The following ALPK2 variants were observed in gnomAD, a reference collection of about 807,000 sequenced individuals.
ALPK2 encodes the protein alpha kinase 2, also known as alpha-protein kinase 2.
In ALPK2, 127 loss-of-function variants were observed where a neutral mutation model predicts 163.1. The ratio of observed to expected loss-of-function variants is 0.78; its 90% CI spans 0.67 to 0.90. The LOEUF (loss-of-function observed/expected upper bound fraction) is 0.90. ALPK2 is among the 40% of genes least tolerant of loss of function. The pLI is 0.00. For synonymous variants in ALPK2, 953 were observed against 959.1 expected, an observed-to-expected ratio of 0.99 and a Z score of 0.12; for missense variants, 2,360 against 2,589.6, an observed-to-expected ratio of 0.91 and a Z score of 1.92.
At chr18:58,609,919 C>G (rs542043765) in intron 2 of ALPK2, among the ~76,000 whole-genome samples, 6 of 152,144 alleles carry the variant, frequency 3.9e-5, no homozygotes, top group African/African-American at 1.2e-4. Flanking sequence ...TGGACCATCA[C>G]GGAGACAGAA....
chr18:58,616,551 T>A (rs569588569), intron 1 of ALPK2, among the ~76,000 whole-genome samples: 3 of 152,046 alleles, frequency 2.0e-5, no homozygotes, highest in Non-Finnish European at 4.4e-5. Flanking sequence ...GAAGCCTCCA[T>A]AAAAACCCAA....
chr18:58,603,651 G>A (rs1446221596), intron 3 of ALPK2, among the ~76,000 whole-genome samples: 2 of 152,132 alleles, frequency 1.3e-5, no homozygotes, highest in Non-Finnish European at 2.9e-5. Flanking sequence ...CGGGTTCCTG[G>A]ACAGATTTTT....
chr18:58,625,802 G>A (rs1265847923), intron 1 of ALPK2, among the ~76,000 whole-genome samples: 1 of 152,220 alleles, frequency 6.6e-6, no homozygotes, highest in Non-Finnish European at 1.5e-5. Context: ...AACCAGAACT[G>A]AACTCTCGGA....
rs1417833075 is a variant in ALPK2, at chr18:58,536,365, A to G, written c.3822T>C (p.Ala1274=). 6.2e-7 allele frequency: 1 copy of G among 1,614,118 alleles called. No individual in the cohort carries two copies. The highest frequency in any genetic ancestry group is 8.5e-7 in the Non-Finnish European group (1 of 1,180,038). The change falls in exon 5 of 13, where the codon GCT becomes GCC. Residue 1274 remains alanine (A), a synonymous_variant. Transcript: ENST00000361673. Reference sequence around the variant, plus strand: ...CATCTGCCTTTAGACTATCAGGTACAGCCCAGACCTTGTCAGGAATTATGA... The same window carrying G: ...CATCTGCCTTTAGACTATCAGGTACGGCCCAGACCTTGTCAGGAATTATGA... ...GGLIIPDKVW[A]VPDSLKADAV... is the part of the protein sequence containing the mutation.
At chr18:58,586,753 T>TA (rs56281908) in intron 3 of ALPK2, among the ~76,000 whole-genome samples, 2,429 of 143,290 alleles carry the variant, frequency 0.017, 33 homozygotes, top group African/African-American at 0.045. Flanking sequence ...GGGGCATTTG[T>TA]AAAAAAAAAA....
At position 58,523,940 on chromosome 18, in the gene ALPK2, G is replaced by A. The variant is rs1424721571; in HGVS notation, c.5624C>T (p.Ala1875Val). Residue 1875 changes from alanine to valine, a missense_variant, in exon 7 of 13, where the codon GCT becomes GTT. Ala to Val is a moderately conservative substitution (Grantham distance 64). Transcript: ENST00000361673. ...CATTGAAAACTGTGGTTTACCTTCA[G>A]CTGTGAGGTTAAATTCAGCAGTCAC... ...GKVTAEFNLT[A>V]EVLKQLSSRQ... The A allele has an allele frequency of 6.2e-7, 1 of 1,614,176 alleles. No homozygotes were observed. The highest frequency in any genetic ancestry group is 1.7e-5 in the Admixed American group (1 of 60,022).
chr18:58,604,487 C>T (rs1283877578), intron 3 of ALPK2, among the ~76,000 whole-genome samples: 2 of 152,102 alleles, frequency 1.3e-5, no homozygotes, highest in South Asian at 2.1e-4. Context: ...ATTGGTCAAG[C>T]GCGAAGCCCA....
chr18:58,609,497 A>G (rs113091201), intron 2 of ALPK2, among the ~76,000 whole-genome samples: 5 of 152,276 alleles, frequency 3.3e-5, no homozygotes, highest in Middle Eastern at 3.4e-3. Context: ...TACATAAAAT[A>G]TTCATGAGCT....
intron 12 of ALPK2, among the ~76,000 whole-genome samples, chr18:58,487,779 T>C (rs2051347424): frequency 6.6e-6 from 1 of 152,142 alleles, no homozygotes; most frequent in Non-Finnish European, 1.5e-5. Context: ...CCCAGCACTT[T>C]GGGAGGCTGA....
At chr18:58,538,529 G>T (rs981563755) in intron 4 of ALPK2, 1 of 329,082 alleles carries the variant, frequency 3.0e-6, no homozygotes, top group Non-Finnish European at 5.6e-6. Context: ...GAAATAAATC[G>T]AATGTTAACT....
Position 58,484,845 on chromosome 18 carries a change from A to C in ALPK2, c.6297-2806T>G, listed in dbSNP as rs199930762. 3.3e-5 allele frequency among the ~76,000 whole-genome samples: 5 copies of C among 152,352 alleles called. No individual in the cohort carries two copies. The East Asian group carries it at 9.6e-4, about 29-fold the overall frequency. On this transcript the variant is annotated intron_variant, in intron 12 of 12. Coordinates refer to ENST00000361673, the MANE Select transcript of ALPK2 (RefSeq NM_052947.4). The stretch of plus-strand genomic sequence containing the variant: ...ATGTAGCTCAGGGCATAACACAGTA[A>C]AGATTCAGCTGATGTTGATCGTGTT...
chr18:58,515,419 ACTAC>A (rs1480446588), intron 9 of ALPK2, among the ~76,000 whole-genome samples: 1 of 152,260 alleles, frequency 6.6e-6, no homozygotes, highest in Non-Finnish European at 1.5e-5. Flanking sequence ...CACTTGGGGC[ACTAC>A]TGGGTTTCCT....
At chr18:58,578,501 C>T in intron 4 of ALPK2, 1 of 213,700 alleles carries the variant, frequency 4.7e-6, no homozygotes. Flanking sequence ...ATGCAGCAGA[C>T]AAAATATCAG....
At chr18:58,526,389 C>T (rs948928228) in intron 6 of ALPK2, among the ~76,000 whole-genome samples, 5 of 152,176 alleles carry the variant, frequency 3.3e-5, no homozygotes, top group African/African-American at 4.8e-5. Flanking sequence ...GAGAAGTCCT[C>T]GGGTTGTTTC....
intron 12 of ALPK2, among the ~76,000 whole-genome samples, chr18:58,495,522 T>C (rs2051397111): frequency 6.6e-6 from 1 of 152,184 alleles, no homozygotes; most frequent in African/African-American, 2.4e-5. Context: ...ATTGGATTTC[T>C]TTTTAAATCA....
intron 4 of ALPK2, among the ~76,000 whole-genome samples, chr18:58,576,160 G>T (rs1218487065): frequency 1.3e-5 from 2 of 152,120 alleles, no homozygotes; most frequent in African/African-American, 4.8e-5. Context: ...GATCACCTGA[G>T]GTCAGGAGTT....
At chr18:58,543,173 G>T (rs2051699554) in intron 4 of ALPK2, among the ~76,000 whole-genome samples, 2 of 152,200 alleles carry the variant, frequency 1.3e-5, no homozygotes, top group African/African-American at 4.8e-5. Flanking sequence ...GCCCTGCTCT[G>T]CCTTGGGACT....
At chr18:58,573,067 C>G (rs1028493682) in intron 4 of ALPK2, among the ~76,000 whole-genome samples, 53 of 151,872 alleles carry the variant, frequency 3.5e-4, no homozygotes, top group African/African-American at 1.1e-3. Context: ...GTAATAAAAC[C>G]GTTTGTAAAT....
intron 4 of ALPK2, chr18:58,556,945 C>T (rs1456100049): frequency 6.6e-6 from 1 of 152,272 alleles, no homozygotes; most frequent in African/African-American, 2.4e-5. Flanking sequence ...TCCTATTCCA[C>T]ATAAGATCTC....
Sources: allele counts gnomAD v4.1 joint callset (sites outside exome capture counted in the v4.1 genomes callset), GRCh38; gene constraint gnomAD v4.1.1; transcripts MANE v1.5; gene names NCBI Gene and HGNC (gene_info 2026-07-23, HGNC 2026-07-21).